ITPRID2: variants seen among roughly 807,000 people sequenced by gnomAD.
ITPRID2 encodes ITPR interacting domain containing 2.
A neutral mutation model predicts 124.3 loss-of-function variants in ITPRID2; 60 were observed. The observed-to-expected ratio is 0.48, with a 90% confidence interval of 0.39 to 0.60. The LOEUF (loss-of-function observed/expected upper bound fraction) is 0.60, where lower values mean the gene tolerates loss of function less well. ITPRID2 is among the 20% of genes least tolerant of loss of function. The probability of loss-of-function intolerance (pLI) is 0.00; values close to 1 mark genes in which losing one functional copy is unlikely to be tolerated. For missense variants in ITPRID2, 1,553 were observed against 1,512.2 expected (o/e 1.03, Z -0.45); for synonymous variants, 521 against 542.9 (o/e 0.96, Z 0.56).
Position 181,929,602 on chromosome 2 carries a change from A to G in ITPRID2, c.*55A>G, listed in dbSNP as rs1695135942. Reference sequence around the variant, plus strand: ...TTAGCTGTGTAATACTGGAATTATCAATGATATGCACTGGTGGAGGTGTTA... The same window carrying G: ...TTAGCTGTGTAATACTGGAATTATCGATGATATGCACTGGTGGAGGTGTTA... On this transcript the variant is annotated 3_prime_UTR_variant, in exon 18 of 18. Transcript: ENST00000431877. 2 of 1,613,172 alleles carry G rather than the reference A, an allele frequency of 1.2e-6. No individual in the cohort carries two copies. The highest frequency in any genetic ancestry group is 2.7e-5 in the African/African-American group (2 of 75,026).
In ITPRID2 at chr2:181,918,741, A is replaced by G. The variant is rs772374287; in HGVS notation, c.2866-14A>G. 5.0e-6 allele frequency: 8 copies of G among 1,613,760 alleles called. No individual in the cohort carries two copies. Among genetic ancestry groups the G allele is most frequent in the Non-Finnish European group, 6.8e-6 (8 of 1,179,886 alleles). ...TAGAATTTAGAAGTGTAATTTTGTT[A>G]TATTGCATTCTAGAATACTTTTCAG... On this transcript the variant is annotated splice_polypyrimidine_tract_variant and intron_variant, in intron 12 of 17. Transcript: ENST00000431877.
At position 181,892,329 on chromosome 2, in the gene ITPRID2, C is replaced by G. The variant is rs1306030527; in HGVS notation, c.211+52C>G. 3.4e-6 allele frequency: 5 copies of G among 1,486,666 alleles called. No homozygotes were observed. The highest frequency in any genetic ancestry group is 2.3e-4 in the Middle Eastern group (1 of 4,328). 92.1% of individuals were successfully genotyped at this position (1,486,666 alleles called of 1,614,324 possible). A position where few individuals can be genotyped will look rare whatever the true frequency, so the allele number is the denominator to read the frequency against. On this transcript the variant is annotated intron_variant, in intron 1 of 17. Transcript: ENST00000431877. The surrounding 1 kb of genome is among the most constrained non-coding windows in gnomAD (Gnocchi z 5.2). ...GGGAGGCTGGTGGGCTGGGGAGAGT[C>G]TCGTGCGCCCTGGGCGCCTGCCACG...
intron 17 of ITPRID2, among the ~76,000 whole-genome samples, chr2:181,928,629 C>CTTT (rs756208720): frequency 7.0e-6 from 1 of 142,332 alleles, no homozygotes; most frequent in Non-Finnish European, 1.5e-5. Flanking sequence ...TCACAACTTC[C>CTTT]TTTTTTTTTT....
chr2:181,896,111 T>G lies in ITPRID2; in HGVS notation c.307+32T>G. 1.9e-6 allele frequency: 3 copies of G among 1,573,666 alleles called. No individual in the cohort carries two copies. Among genetic ancestry groups the G allele is most frequent in the Non-Finnish European group, 2.6e-6 (3 of 1,143,746 alleles). ...GAAGGTTGCCTTTCTAAATCTGTTC[T>G]TTATGACAGTTCTACTTCTTTGTCC... On this transcript the variant is annotated intron_variant, in intron 3 of 17. Transcript: ENST00000431877. The surrounding 1 kb of genome is among the most constrained non-coding windows in gnomAD (Gnocchi z 4.3).
chr2:181,895,197 TA>T (rs1291899517), intron 2 of ITPRID2, among the ~76,000 whole-genome samples: 2 of 152,170 alleles, frequency 1.3e-5, no homozygotes, highest in African/African-American at 4.8e-5. Context: ...TTAACAGCTA[TA>T]AATTGTTACT....
rs769448751 is a variant in ITPRID2 at position 181,901,835 on chromosome 2, C to G, written c.782C>G (p.Ser261Cys). 6.2e-7 allele frequency: 1 copy of G among 1,613,802 alleles called. No homozygotes were observed. Among genetic ancestry groups the G allele is most frequent in the Non-Finnish European group, 8.5e-7 (1 of 1,179,820 alleles). ...TTTTCTTCTTTATATTCTCAAGTCTCCGGGACGCCCCTGCAGAGAATTGGA... is the reference window on the plus strand; with the variant it reads ...TTTTCTTCTTTATATTCTCAAGTCTGCGGGACGCCCCTGCAGAGAATTGGA... ...NAFSSLYSQV[S>C]GTPLQRIGSM... is the part of the protein sequence containing the mutation. Residue 261 changes from serine (S) to cysteine (C), a missense_variant, in exon 8 of 18, where the codon TCC (serine) becomes TGC (cysteine). Transcript: ENST00000431877.
At chr2:181,926,988 T>C (rs929331463) in intron 16 of ITPRID2, among the ~76,000 whole-genome samples, 43 of 152,228 alleles carry the variant, frequency 2.8e-4, no homozygotes, top group African/African-American at 9.6e-4. Flanking sequence ...CAGAATCTTC[T>C]GATGTTGTTT....
chr2:181,916,214 G>T lies in ITPRID2; in HGVS notation c.2574G>T (p.Leu858=), dbSNP rs764590849. ...SIHSEWQERP[L]CEHTRTLSTH... ...ACTCTGAGTGGCAAGAAAGGCCCCT[G>T]TGTGAGCACACAAGAACTCTGAGCA... is the stretch of plus-strand genomic sequence containing the variant. Residue 858 remains leucine (L), a synonymous_variant, in exon 11 of 18, where the codon CTG becomes CTT. Coordinates refer to ENST00000431877, the MANE Select transcript of ITPRID2 (RefSeq NM_001130445.3). The T allele has an allele frequency of 1.9e-6, 3 of 1,614,074 alleles. No homozygotes were observed. The African/African-American group carries it at 4.0e-5, about 22-fold the overall frequency.
At position 181,918,835 on chromosome 2, in the gene ITPRID2, G is replaced by A. The variant is rs762703371; in HGVS notation, c.2946G>A (p.Met982Ile). The change falls in exon 13 of 18, where the codon ATG (methionine) becomes ATA (isoleucine). Residue 982 changes from methionine (M) to isoleucine (I), a missense_variant. Transcript: ENST00000431877. ...RTQMMDLELA[M>I]LRQQTMVYHH... ...AAATGATGGATTTAGAATTGGCAAT[G>A]CTGCGTCAGCAAACCATGGTTTATC... The A allele has an allele frequency of 6.2e-7, 1 of 1,614,206 alleles. No homozygotes were observed. Among genetic ancestry groups the A allele is most frequent in the Non-Finnish European group, 8.5e-7 (1 of 1,180,038 alleles).
Position 181,916,029 on chromosome 2 carries a change from A to G in ITPRID2, c.2389A>G (p.Lys797Glu), listed in dbSNP as rs1432919342. The G allele has an allele frequency of 1.2e-6, 2 of 1,614,180 alleles. No homozygotes were observed. Among genetic ancestry groups the G allele is most frequent in the Non-Finnish European group, 1.7e-6 (2 of 1,180,028 alleles). The change falls in exon 11 of 18, where the codon AAA becomes GAA. Residue 797 changes from lysine to glutamate, a missense_variant. Transcript: ENST00000431877. ...VMEHDGQSLVKSTIFISPSSV... is the reference protein window; with the variant it reads ...VMEHDGQSLVESTIFISPSSV... Reference sequence around the variant, plus strand: ...GGAACATGATGGTCAGTCTTTAGTTAAATCGACCATTTTCATCTCTCCATC... The same window carrying G: ...GGAACATGATGGTCAGTCTTTAGTTGAATCGACCATTTTCATCTCTCCATC...
chr2:181,914,048 G>T (rs1693837541), intron 10 of ITPRID2, 115 bp downstream of exon 10: 4 of 644,684 alleles, frequency 6.2e-6, no homozygotes, highest in South Asian at 4.2e-5. Flanking sequence ...TCAAGTGACA[G>T]AACAAAACTC....
rs1199918469 is a variant in ITPRID2 at position 181,919,010 on chromosome 2, TAGATA to T, written c.2993+133_2993+137del. ...CTTGTATCTGTTTTGTGAACCAGTG[TAGATA>T]AGATTAGTCATAGATAGTGTTTTAC... On this transcript the variant is annotated intron_variant, in intron 13 of 17. Transcript: ENST00000431877. The surrounding 1 kb of genome is among the most constrained non-coding windows in gnomAD (Gnocchi z 4.2). 2 of 1,249,318 alleles carry T rather than the reference TAGATA, an allele frequency of 1.6e-6. No individual in the cohort carries two copies. The highest frequency in any genetic ancestry group is 3.0e-5 in the African/African-American group (2 of 65,882). The allele number at this position is 1,249,318 out of a possible 1,614,324, so 77.4% of individuals were successfully genotyped here.
chr2:181,916,808 A>G, intron 11 of ITPRID2: 1 of 1,008,676 alleles, frequency 9.9e-7, no homozygotes, highest in Non-Finnish European at 1.2e-6. Flanking sequence ...CTGCTATTTG[A>G]ACATGTTGAC....
intron 8 of ITPRID2, among the ~76,000 whole-genome samples, chr2:181,903,066 A>G (rs1692810479): frequency 6.6e-6 from 1 of 152,188 alleles, no homozygotes; most frequent in Non-Finnish European, 1.5e-5. Flanking sequence ...GTTACTTGTT[A>G]TTTGTGTCCA....
Position 181,922,393 on chromosome 2 carries a change from T to TG in ITPRID2, c.3657dup (p.Gln1220AlafsTer8). The TG allele has an allele frequency of 6.2e-7, 1 of 1,612,192 alleles. No individual in the cohort carries two copies. Among genetic ancestry groups the TG allele is most frequent in the South Asian group, 1.1e-5 (1 of 90,914 alleles). The stretch of plus-strand genomic sequence containing the variant: ...CATAAAAATGTGGAGCAAGATGAGT[T>TG]GCAGCAAGTCATACGGGAGGTGGGT... On this transcript the variant is annotated frameshift_variant, in exon 16 of 18. Transcript: ENST00000431877. LOFTEE classifies it high-confidence loss of function.
At chr2:181,920,213 A>G (rs1694381470) in intron 14 of ITPRID2, among the ~76,000 whole-genome samples, 1 of 152,216 alleles carries the variant, frequency 6.6e-6, no homozygotes, top group Non-Finnish European at 1.5e-5. Context: ...TGTATATACT[A>G]TAAATGAAGT....
chr2:181,928,746 C>T (rs1278462561), intron 17 of ITPRID2, among the ~76,000 whole-genome samples: 2 of 152,072 alleles, frequency 1.3e-5, no homozygotes, highest in African/African-American at 2.4e-5. Context: ...CTGCCTCAGC[C>T]TCCCAAGTAG....
At chr2:181,921,427 G>A (rs912482677) in intron 15 of ITPRID2, among the ~76,000 whole-genome samples, 6 of 145,690 alleles carry the variant, frequency 4.1e-5, no homozygotes, top group Non-Finnish European at 7.6e-5. Context: ...GCAGTGAGCC[G>A]AGATCAAGCC....
In ITPRID2 at chr2:181,919,430, GCTCCTC is replaced by G; in HGVS notation, c.3130_3135del (p.Ser1044_Ser1045del). ...GCTGTGCGCATGCCTTCACCCTTCCGCTCCTCCGCACTCATGGTACGCTACCTGGAG... is the reference window on the plus strand; with the variant it reads ...GCTGTGCGCATGCCTTCACCCTTCCGCGCACTCATGGTACGCTACCTGGAG... On this transcript the variant is annotated inframe_deletion, in exon 14 of 18. Coordinates refer to ENST00000431877, the MANE Select transcript of ITPRID2 (RefSeq NM_001130445.3). This position sits in a 1 kb window ranked among gnomAD's most constrained non-coding sequence, Gnocchi z 4.2. The G allele has an allele frequency of 6.2e-7, 1 of 1,602,750 alleles. No homozygotes were observed. The highest frequency in any genetic ancestry group is 8.5e-7 in the Non-Finnish European group (1 of 1,174,664).
Sources: allele counts gnomAD v4.1 joint callset (sites outside exome capture counted in the v4.1 genomes callset), GRCh38; gene constraint gnomAD v4.1.1; non-coding constraint Gnocchi (gnomAD v3.1); transcripts MANE v1.5; gene names NCBI Gene and HGNC (gene_info 2026-07-23, HGNC 2026-07-21).